The following CCDC25 variants were observed in gnomAD, a reference collection of about 807,000 sequenced individuals.
CCDC25 encodes coiled-coil domain containing 25.
Under a neutral mutation model 35.3 loss-of-function variants are expected in CCDC25, and 16 were observed. The observed-to-expected ratio is 0.45, with a 90% CI of 0.31 to 0.69. The LOEUF (loss-of-function observed/expected upper bound fraction) is 0.69, where lower values mean the gene tolerates loss of function less well. Ranked by LOEUF, CCDC25 falls within the 30% of genes least tolerant of loss-of-function variation. The probability of loss-of-function intolerance (pLI) is 0.06; values close to 1 mark genes in which losing one functional copy is unlikely to be tolerated. For synonymous variants in CCDC25, 79 were observed against 80.3 expected (o/e 0.98, Z 0.09); for missense variants, 179 against 250.7 (o/e 0.71, Z 1.93).
intron 2 of CCDC25, 70 bp downstream of exon 2, chr8:27,765,134 G>A (rs368506109): frequency 3.5e-5 from 48 of 1,389,722 alleles, no homozygotes; most frequent in Non-Finnish European, 4.3e-5. Flanking sequence ...TGGGGGGCAT[G>A]GAAGGTGGTG....
chr8:27,745,826 T>C (rs984309404), intron 7 of CCDC25, among the ~76,000 whole-genome samples: 2 of 152,218 alleles, frequency 1.3e-5, no homozygotes, highest in Admixed American at 6.5e-5. Context: ...GAAATAAACA[T>C]AGCAATTGTT....
At chr8:27,756,607 T>C in intron 4 of CCDC25, 112 bp downstream of exon 4, 1 of 716,578 alleles carries the variant, frequency 1.4e-6, no homozygotes, top group Admixed American at 2.4e-5. Flanking sequence ...TGTTAACTTT[T>C]AGATTTGCGT....
chr8:27,734,772 A>C lies in CCDC25; in HGVS notation c.*1444T>G, dbSNP rs1375892879. On this transcript the variant is annotated 3_prime_UTR_variant, in exon 9 of 9. Transcript: ENST00000356537. ...TGTGAGGTACAGAGGAATTCTGTAG[A>C]AGCCGGACTCCTTGGAAGTATGGAA... is the stretch of plus-strand genomic sequence containing the variant. 1.3e-5 allele frequency: 2 copies of C among 152,240 alleles called. No individual in the cohort carries two copies. Among genetic ancestry groups the C allele is most frequent in the Non-Finnish European group, 2.9e-5 (2 of 68,048 alleles). The allele number at this position is 152,240 out of a possible 1,614,324, so 9.4% of individuals were successfully genotyped here. A position where few individuals can be genotyped will look rare whatever the true frequency, so the allele number is the denominator to read the frequency against.
rs1029138817 is a variant in CCDC25, at chr8:27,737,243, C to G, written c.598-998G>C. Reference sequence around the variant, plus strand: ...GAACAGACTAATGATTGTGTTATATCCAGGCGCAAAGACTATGATTGCCCC... The same window carrying G: ...GAACAGACTAATGATTGTGTTATATGCAGGCGCAAAGACTATGATTGCCCC... On this transcript the variant is annotated intron_variant, in intron 8 of 8. Transcript: ENST00000356537. The surrounding 1 kb of genome is among the most constrained non-coding windows in gnomAD (Gnocchi z 4.6). Among the ~76,000 whole-genome samples, 1 of 151,994 alleles carries G rather than the reference C, an allele frequency of 6.6e-6. No individual in the cohort carries two copies. The highest frequency in any genetic ancestry group is 2.4e-5 in the African/African-American group (1 of 41,362).
Position 27,749,228 on chromosome 8 carries a change from A to G in CCDC25, c.245-630T>C, listed in dbSNP as rs112640828. On this transcript the variant is annotated intron_variant, in intron 5 of 8. Coordinates refer to ENST00000356537, the MANE Select transcript of CCDC25 (RefSeq NM_018246.3). Reference sequence around the variant, plus strand: ...TGTTCACTCCTCCTCCTGCCCCTTCACCGCCTCCTCCACCACTCATACCCT... The same window carrying G: ...TGTTCACTCCTCCTCCTGCCCCTTCGCCGCCTCCTCCACCACTCATACCCT... 9.9e-3 allele frequency among the ~76,000 whole-genome samples: 1,509 copies of G among 152,242 alleles called. 18 individuals are homozygous for G. Among genetic ancestry groups the G allele is most frequent in the African/African-American group, 0.034 (1,398 of 41,540 alleles).
chr8:27,748,450 T>C lies in CCDC25; in HGVS notation c.348+45A>G, dbSNP rs1398558642. 20 of 1,446,736 alleles carry C rather than the reference T, an allele frequency of 1.4e-5. No homozygotes were observed. The Admixed American group carries it at 3.2e-4, about 23-fold the overall frequency. 89.6% of individuals were successfully genotyped at this position (1,446,736 alleles called of 1,614,324 possible). On this transcript the variant is annotated intron_variant, in intron 6 of 8. Transcript: ENST00000356537. ...CAGACAGAAAAGATAGGATACTCCA[T>C]TCAGTATCAGGGCTCCGCCTCCTTC...
chr8:27,760,304 G>C (rs570934086), intron 3 of CCDC25, among the ~76,000 whole-genome samples: 37 of 152,292 alleles, frequency 2.4e-4, no homozygotes, highest in Admixed American at 6.5e-4. Flanking sequence ...TTTTCAGGCT[G>C]CATCTGATTA....
chr8:27,772,613 T>G lies in CCDC25; in HGVS notation c.-73A>C. The G allele has an allele frequency of 6.8e-7, 1 of 1,475,960 alleles. No homozygotes were observed. Among genetic ancestry groups the G allele is most frequent in the Non-Finnish European group, 9.2e-7 (1 of 1,084,686 alleles). The allele number at this position is 1,475,960 out of a possible 1,614,324, so 91.4% of individuals were successfully genotyped here. A position where few individuals can be genotyped will look rare whatever the true frequency, so the allele number is the denominator to read the frequency against. ...ACTCACGAAGCTCAGGATACCAGAC[T>G]CGCGGCGGCCGCCTGGCCCCCGGAA... On this transcript the variant is annotated 5_prime_UTR_variant, in exon 1 of 9. Transcript: ENST00000356537.
In CCDC25 at chr8:27,733,975, C is replaced by T. The variant is rs1034890850; in HGVS notation, c.*2241G>A. ...ACCATCTTTCCTGAGTGGGGAAAAC[C>T]GCTGGCACTGAATAGCTGAAAGGCT... On this transcript the variant is annotated 3_prime_UTR_variant, in exon 9 of 9. Transcript: ENST00000356537. The T allele has an allele frequency of 3.3e-5, 5 of 152,180 alleles. No individual in the cohort carries two copies. Among genetic ancestry groups the T allele is most frequent in the Non-Finnish European group, 7.3e-5 (5 of 68,044 alleles). The allele number at this position is 152,180 out of a possible 1,614,324, so 9.4% of individuals were successfully genotyped here. A position where few individuals can be genotyped will look rare whatever the true frequency, so the allele number is the denominator to read the frequency against.
At chr8:27,767,199 C>T (rs1804430016) in intron 1 of CCDC25, among the ~76,000 whole-genome samples, 1 of 152,116 alleles carries the variant, frequency 6.6e-6, no homozygotes, top group African/African-American at 2.4e-5. Flanking sequence ...AACCCCATCT[C>T]TACTAAAAAT....
chr8:27,733,579 T>C lies in CCDC25; in HGVS notation c.*2637A>G, dbSNP rs1803108983. 2 of 152,146 alleles carry C rather than the reference T, an allele frequency of 1.3e-5. No homozygotes were observed. Among genetic ancestry groups the C allele is most frequent in the East Asian group, 3.9e-4 (2 of 5,186 alleles). The allele number at this position is 152,146 out of a possible 1,614,324, so 9.4% of individuals were successfully genotyped here. A position where few individuals can be genotyped will look rare whatever the true frequency, so the allele number is the denominator to read the frequency against. On this transcript the variant is annotated 3_prime_UTR_variant, in exon 9 of 9. Coordinates refer to ENST00000356537, the MANE Select transcript of CCDC25 (RefSeq NM_018246.3). ...GGAGTTAGGTGGGTCAAAGCTGAAA[T>C]TTAGCTTGGAATTTAAGTTTCTAAT...
At chr8:27,772,421 T>G in intron 1 of CCDC25, 92 bp downstream of exon 1, 1 of 1,330,616 alleles carries the variant, frequency 7.5e-7, no homozygotes, top group Non-Finnish European at 1.1e-6. Context: ...GAAGGCATTT[T>G]AGAGCGAGGG....
chr8:27,766,708 G>A (rs1390348519), intron 1 of CCDC25, among the ~76,000 whole-genome samples: 1 of 152,014 alleles, frequency 6.6e-6, no homozygotes, highest in African/African-American at 2.4e-5. Flanking sequence ...CCATAATAGA[G>A]TACCAAAATA....
Position 27,748,095 on chromosome 8 carries a change from CTCT to C in CCDC25, c.530_532del (p.Lys177del), listed in dbSNP as rs776460710. 13 of 1,611,612 alleles carry C rather than the reference CTCT, an allele frequency of 8.1e-6. No individual in the cohort carries two copies. The highest frequency in any genetic ancestry group is 3.3e-5 in the Admixed American group (2 of 59,916). Reference sequence around the variant, plus strand: ...GACATACCTAAGTTCATCCATTTCCCTCTTCTTCTTCATTTCTTCTTTTTCTCT... The same window carrying C: ...GACATACCTAAGTTCATCCATTTCCCTCTTCTTCATTTCTTCTTTTTCTCT... On this transcript the variant is annotated inframe_deletion, in exon 7 of 9. Transcript: ENST00000356537.
intron 7 of CCDC25, among the ~76,000 whole-genome samples, chr8:27,747,113 C>T (rs1459388330): frequency 2.6e-5 from 4 of 152,266 alleles, no homozygotes; most frequent in East Asian, 3.9e-4. Flanking sequence ...AGGGGCTCTG[C>T]GGGTACAGCA....
rs1176788993 is a variant in CCDC25 at position 27,737,875 on chromosome 8, TACACACACTCAC to T, written c.598-1642_598-1631del. ...GGATAAAGAAACTGTGGTGTGTGTA[TACACACACTCAC>T]ACACACACACACACACACACACACA... On this transcript the variant is annotated intron_variant, in intron 8 of 8. Transcript: ENST00000356537. This position sits in a 1 kb window ranked among gnomAD's most constrained non-coding sequence, Gnocchi z 4.6. 1.8e-3 allele frequency among the ~76,000 whole-genome samples: 248 copies of T among 136,184 alleles called. 1 individual carries two copies. The highest frequency in any genetic ancestry group is 5.8e-3 in the African/African-American group (217 of 37,638). 89.3% of individuals were successfully genotyped at this position (136,184 alleles called of 152,430 possible).
rs1294584825 is a variant in CCDC25, at chr8:27,733,921, C to T, written c.*2295G>A. On this transcript the variant is annotated 3_prime_UTR_variant, in exon 9 of 9. Coordinates refer to ENST00000356537, the MANE Select transcript of CCDC25 (RefSeq NM_018246.3). ...TAGAAGCTGCAGCTGAAACTCTCCC[C>T]GTCTAATCCTGCTGTGTGTATGGCT... 4 of 152,144 alleles carry T rather than the reference C, an allele frequency of 2.6e-5. No individual in the cohort carries two copies. The highest frequency in any genetic ancestry group is 5.9e-5 in the Non-Finnish European group (4 of 68,032). 9.4% of individuals were successfully genotyped at this position (152,144 alleles called of 1,614,324 possible).
intron 2 of CCDC25, among the ~76,000 whole-genome samples, chr8:27,763,577 G>C (rs1286468819): frequency 6.6e-6 from 1 of 152,134 alleles, no homozygotes; most frequent in East Asian, 1.9e-4. Context: ...AATTAGCCAG[G>C]CATGGTAGCA....
chr8:27,753,136 T>C (rs2128941104), intron 4 of CCDC25: 1 of 152,320 alleles, frequency 6.6e-6, no homozygotes, highest in Admixed American at 6.5e-5. Context: ...CTGATCCTTT[T>C]TCTCTATAGA....
Sources: gnomAD v4.1 joint callset for allele counts (sites outside exome capture counted in the v4.1 genomes callset) on GRCh38, gnomAD v4.1.1 for gene constraint, Gnocchi (gnomAD v3.1) non-coding constraint, MANE v1.5 for transcripts, NCBI Gene and HGNC (gene_info 2026-07-23, HGNC 2026-07-21) for gene names.